The following ROR1 variants were observed in gnomAD, a reference collection of about 807,000 sequenced individuals.
ROR1 encodes the protein ROR family WNT receptor 1, also known as inactive tyrosine-protein kinase transmembrane receptor ROR1.
A neutral mutation model predicts 78.8 loss-of-function variants in ROR1; 19 were observed. That is an observed-to-expected ratio of 0.24 (90% CI 0.17 to 0.35). The LOEUF is 0.35. ROR1 is among the 10% of genes least tolerant of loss of function. The pLI is 1.00. For synonymous variants in ROR1, 386 were observed against 433.6 expected (o/e 0.89, Z 1.36); for missense variants, 917 against 1,177.8 (o/e 0.78, Z 3.24).
intron 2 of ROR1, among the ~76,000 whole-genome samples, chr1:64,033,926 G>A (rs1646680593): frequency 6.6e-6 from 1 of 152,186 alleles, no homozygotes; most frequent in African/African-American, 2.4e-5. Flanking sequence ...ACACAGCCAG[G>A]ACTCAAACCC....
intron 4 of ROR1, among the ~76,000 whole-genome samples, chr1:64,061,247 C>T (rs893866782): frequency 1.5e-4 from 23 of 152,140 alleles, no homozygotes. Context: ...AAGTTTTTTT[C>T]TGTGTTCCAG....
intron 1 of ROR1, among the ~76,000 whole-genome samples, chr1:64,007,439 C>A (rs942679882): frequency 1.3e-5 from 2 of 150,672 alleles, no homozygotes; most frequent in African/African-American, 4.9e-5. Context: ...GTTAGTATAA[C>A]CCCATTACAA....
chr1:63,840,305 G>A (rs1329204069), intron 1 of ROR1, among the ~76,000 whole-genome samples: 3 of 147,796 alleles, frequency 2.0e-5, no homozygotes, highest in African/African-American at 7.5e-5. Context: ...TTGAGATGGA[G>A]TTTCACTCTT....
chr1:64,120,238 G>T (rs1366001143), intron 4 of ROR1, among the ~76,000 whole-genome samples: 2 of 152,080 alleles, frequency 1.3e-5, no homozygotes, highest in African/African-American at 4.8e-5. Context: ...GCCTGGAGTT[G>T]GGGGAGGCCT....
chr1:64,128,708 G>C (rs1648806337), intron 4 of ROR1, among the ~76,000 whole-genome samples: 1 of 152,150 alleles, frequency 6.6e-6, no homozygotes, highest in Non-Finnish European at 1.5e-5. Flanking sequence ...CTAGTCCCAT[G>C]AAGTTTGTTT....
At chr1:63,792,262 C>T (rs1380398787) in intron 1 of ROR1, among the ~76,000 whole-genome samples, 1 of 152,116 alleles carries the variant, frequency 6.6e-6, no homozygotes, top group African/African-American at 2.4e-5. Flanking sequence ...ACAGTACAAC[C>T]AGCAATTGCT....
intron 4 of ROR1, among the ~76,000 whole-genome samples, chr1:64,056,542 G>A (rs527958508): frequency 7.2e-5 from 11 of 151,758 alleles, no homozygotes; most frequent in Admixed American, 3.3e-4. Context: ...CAGGTGTGGT[G>A]GCGAGCATCT....
At chr1:63,971,795 A>G (rs1258389481) in intron 1 of ROR1, among the ~76,000 whole-genome samples, 1 of 152,138 alleles carries the variant, frequency 6.6e-6, no homozygotes, top group Non-Finnish European at 1.5e-5. Context: ...CCTGATGGGT[A>G]TGAGTAGGAG....
chr1:64,021,007 A>G (rs1198632816), intron 2 of ROR1, among the ~76,000 whole-genome samples: 1 of 147,282 alleles, frequency 6.8e-6, no homozygotes, highest in Non-Finnish European at 1.5e-5. Flanking sequence ...GTCTGGGTTT[A>G]TTCTGTCAAA....
intron 7 of ROR1, among the ~76,000 whole-genome samples, chr1:64,144,166 G>A (rs937039534): frequency 5.9e-5 from 9 of 152,180 alleles, no homozygotes; most frequent in South Asian, 4.1e-4. Context: ...GAGTGACTCC[G>A]GAGCTTCTCC....
chr1:64,021,795 T>C (rs1646567174), intron 2 of ROR1, among the ~76,000 whole-genome samples: 1 of 152,220 alleles, frequency 6.6e-6, no homozygotes, highest in African/African-American at 2.4e-5. Context: ...TTCTTATTTG[T>C]CTTTTTTCTT....
chr1:64,094,307 A>T (rs951460018), intron 4 of ROR1: 1 of 152,106 alleles, frequency 6.6e-6, no homozygotes, highest in Non-Finnish European at 1.5e-5. Flanking sequence ...GGGCTCTAGA[A>T]ACCATGATTT....
chr1:63,974,579 T>C (rs1286783573), intron 1 of ROR1, among the ~76,000 whole-genome samples: 4 of 152,114 alleles, frequency 2.6e-5, no homozygotes, highest in African/African-American at 4.8e-5. Context: ...TATGAGTTTT[T>C]AATGTGGACA....
chr1:63,972,426 G>A (rs1386388876), intron 1 of ROR1, among the ~76,000 whole-genome samples: 1 of 152,146 alleles, frequency 6.6e-6, no homozygotes, highest in Non-Finnish European at 1.5e-5. Flanking sequence ...GTCATGTCTT[G>A]CTCAAGTTTG....
intron 8 of ROR1, among the ~76,000 whole-genome samples, chr1:64,174,743 C>A (rs1322708355): frequency 6.6e-6 from 1 of 152,140 alleles, no homozygotes; most frequent in Non-Finnish European, 1.5e-5. Flanking sequence ...ATGGAAATCT[C>A]CAATCTTAAT....
intron 1 of ROR1, among the ~76,000 whole-genome samples, chr1:63,979,245 A>C (rs1361853798): frequency 6.6e-6 from 1 of 152,176 alleles, no homozygotes; most frequent in Admixed American, 6.5e-5. Context: ...GTAAAATTTA[A>C]TGGCTGCTGA....
chr1:64,134,327 T>A (rs1649028349), intron 4 of ROR1, among the ~76,000 whole-genome samples: 1 of 152,242 alleles, frequency 6.6e-6, no homozygotes, highest in Non-Finnish European at 1.5e-5. Context: ...TCGAGTAGGC[T>A]GATTTAACTA....
intron 4 of ROR1, among the ~76,000 whole-genome samples, chr1:64,116,555 G>GGTTA (rs1648322514): frequency 6.6e-6 from 1 of 152,074 alleles, no homozygotes; most frequent in Non-Finnish European, 1.5e-5. Flanking sequence ...ATATTGTGAT[G>GGTTA]GTTATTTCAA....
At chr1:63,800,963 GTT>G (rs36105141) in intron 1 of ROR1, among the ~76,000 whole-genome samples, 32 of 145,686 alleles carry the variant, frequency 2.2e-4, no homozygotes, top group African/African-American at 5.0e-4. Context: ...ATTTTGCTAG[GTT>G]TTTTTTTTTT....
Sources: allele counts gnomAD v4.1 joint callset (sites outside exome capture counted in the v4.1 genomes callset), GRCh38; gene constraint gnomAD v4.1.1; transcripts MANE v1.5; gene names NCBI Gene and HGNC (gene_info 2026-07-23, HGNC 2026-07-21).